TAF3: variants seen among roughly 807,000 people sequenced by gnomAD.
The protein encoded by TAF3 is transcription initiation factor TFIID subunit 3.
A neutral mutation model predicts 80.6 loss-of-function variants in TAF3; 7 were observed. That is an observed-to-expected ratio of 0.09 (90% CI 0.05 to 0.16). The LOEUF is 0.16. Among genes scored for constraint, TAF3 ranks in the 10% least tolerant of loss-of-function variants. TAF3 has a pLI of 1.00. For synonymous variants in TAF3, 444 were observed against 446.1 expected (o/e 1.00, Z 0.06); for missense variants, 921 against 1,140.2 (o/e 0.81, Z 2.77).
intron 2 of TAF3, among the ~76,000 whole-genome samples, chr10:7,937,091 C>T (rs138549918): frequency 5.3e-5 from 8 of 152,256 alleles, no homozygotes; most frequent in African/African-American, 1.4e-4. Context: ...ACCAAATGAG[C>T]GACCTCTTCA....
chr10:8,014,022 CTA>C, intron 6 of TAF3, among the ~76,000 whole-genome samples, 185 bp downstream of exon 6: 1 of 152,320 alleles, frequency 6.6e-6, no homozygotes, highest in East Asian at 1.9e-4. Context: ...AGTGCTTAGA[CTA>C]TTGTTATTCA....
intron 2 of TAF3, among the ~76,000 whole-genome samples, chr10:7,882,001 G>GT (rs1588537160): frequency 6.6e-6 from 1 of 152,328 alleles, no homozygotes; most frequent in East Asian, 1.9e-4. Flanking sequence ...AGTAAGTGCA[G>GT]TTAAACAGGT....
intron 1 of TAF3, among the ~76,000 whole-genome samples, chr10:7,822,477 C>A (rs1836699912): frequency 7.1e-6 from 1 of 140,002 alleles, no homozygotes; most frequent in Non-Finnish European, 1.6e-5. Flanking sequence ...CAGAAGTAAC[C>A]CATACTTATA....
chr10:7,887,232 T>TAAA (rs528310249), intron 2 of TAF3, among the ~76,000 whole-genome samples: 31 of 139,536 alleles, frequency 2.2e-4, no homozygotes, highest in East Asian at 4.1e-4. Context: ...ACTCTGTATT[T>TAAA]AAAAAAAAAA....
At chr10:7,926,134 G>A (rs1439152979) in intron 2 of TAF3, among the ~76,000 whole-genome samples, 1 of 152,158 alleles carries the variant, frequency 6.6e-6, no homozygotes, top group Non-Finnish European at 1.5e-5. Context: ...AACTTTTGAT[G>A]TTACTGGTCT....
Position 8,011,245 on chromosome 10 carries a change from C to CT in TAF3, c.2568+1923dup, listed in dbSNP as rs376302392. ...TTATAAACTGTACAATATTACATTT[C>CT]TTTTTTTTATGTTTTCTTTTTTTCT... On this transcript the variant is annotated intron_variant, in intron 5 of 6. Coordinates refer to ENST00000344293, the MANE Select transcript of TAF3 (RefSeq NM_031923.4). Among the ~76,000 whole-genome samples the CT allele has an allele frequency of 4.2e-3, 639 of 151,926 alleles. 5 individuals are homozygous for CT. The highest frequency in any genetic ancestry group is 0.014 in the African/African-American group (598 of 41,402).
intron 2 of TAF3, among the ~76,000 whole-genome samples, chr10:7,868,128 A>G (rs1458193185): frequency 1.3e-5 from 2 of 152,088 alleles, no homozygotes. Flanking sequence ...ATCCACATAT[A>G]AGGGGGCATG....
chr10:7,929,794 T>C (rs1837851633), intron 2 of TAF3, among the ~76,000 whole-genome samples: 1 of 152,186 alleles, frequency 6.6e-6, no homozygotes, highest in Admixed American at 6.5e-5. Flanking sequence ...GGCTTTAATT[T>C]TACAGTGGTT....
intron 2 of TAF3, among the ~76,000 whole-genome samples, chr10:7,908,267 G>C (rs1837624070): frequency 6.6e-6 from 1 of 152,094 alleles, no homozygotes; most frequent in Admixed American, 6.5e-5. Flanking sequence ...ACTGGAGGGG[G>C]CTTTTTCTGC....
intron 1 of TAF3, among the ~76,000 whole-genome samples, chr10:7,820,434 ACTTTAC>A (rs1836679597): frequency 6.6e-6 from 1 of 152,242 alleles, no homozygotes; most frequent in Non-Finnish European, 1.5e-5. Flanking sequence ...CCACTTATTG[ACTTTAC>A]ATATTGAGTT....
intron 1 of TAF3, among the ~76,000 whole-genome samples, chr10:7,823,112 CA>C (rs1175884928): frequency 6.6e-6 from 1 of 151,712 alleles, no homozygotes; most frequent in Non-Finnish European, 1.5e-5. Flanking sequence ...GACCCTGTCT[CA>C]AAAAACGAAC....
chr10:7,939,591 C>CAT (rs1273428832), intron 2 of TAF3, among the ~76,000 whole-genome samples: 13 of 149,034 alleles, frequency 8.7e-5, no homozygotes, highest in African/African-American at 3.3e-4. Flanking sequence ...CACACACACA[C>CAT]ACACACACAC....
intron 1 of TAF3, among the ~76,000 whole-genome samples, chr10:7,821,980 T>TC (rs1427197663): frequency 2.0e-5 from 3 of 152,292 alleles, no homozygotes; most frequent in Non-Finnish European, 4.4e-5. Context: ...TGCAGCTAGT[T>TC]CATTCCAAGG....
At chr10:7,963,809 A>T in intron 2 of TAF3, 111 bp from the exon 3 acceptor site, 2 of 1,140,272 alleles carry the variant, frequency 1.8e-6, no homozygotes, top group African/African-American at 3.1e-5. Flanking sequence ...AAAGTATAAT[A>T]ATAAAAAAGA....
intron 2 of TAF3, among the ~76,000 whole-genome samples, chr10:7,937,899 A>G (rs935525558): frequency 3.3e-5 from 5 of 152,180 alleles, no homozygotes; most frequent in African/African-American, 1.2e-4. Context: ...GCAAGGTTGC[A>G]TAATTTGGAA....
chr10:7,890,097 G>A (rs530973203), intron 2 of TAF3, among the ~76,000 whole-genome samples: 1 of 152,296 alleles, frequency 6.6e-6, no homozygotes, highest in Admixed American at 6.5e-5. Flanking sequence ...GACCTTTCAT[G>A]AACCGGCTTC....
At chr10:7,958,240 A>G (rs1051281826) in intron 2 of TAF3, among the ~76,000 whole-genome samples, 3 of 152,218 alleles carry the variant, frequency 2.0e-5, no homozygotes, top group Admixed American at 1.3e-4. Flanking sequence ...AAAAAGCCAG[A>G]TACTCATTAT....
intron 4 of TAF3, among the ~76,000 whole-genome samples, chr10:7,999,674 C>G (rs1588345468): frequency 6.6e-6 from 1 of 152,158 alleles, no homozygotes; most frequent in East Asian, 1.9e-4. Flanking sequence ...CCAGGCTGGT[C>G]TCAAACTCCT....
chr10:8,005,541 G>A lies in TAF3; in HGVS notation c.2316-3537G>A, dbSNP rs60450949. On this transcript the variant is annotated intron_variant, in intron 4 of 6. Transcript: ENST00000344293. ...GGAGTTCTATTACACCTTCCACTTC[G>A]GGCAGATCCTGGGCTTTGACATTCG... 5.0e-3 allele frequency among the ~76,000 whole-genome samples: 762 copies of A among 152,244 alleles called. 8 individuals carry two copies. Among genetic ancestry groups the A allele is most frequent in the African/African-American group, 0.012 (485 of 41,544 alleles).
Sources: gnomAD v4.1 joint callset for allele counts (sites outside exome capture counted in the v4.1 genomes callset) on GRCh38, gnomAD v4.1.1 for gene constraint, MANE v1.5 for transcripts, NCBI Gene and HGNC (gene_info 2026-07-23, HGNC 2026-07-21) for gene names.